PTPN22: variants seen among roughly 807,000 people sequenced by gnomAD.
PTPN22 encodes the protein protein tyrosine phosphatase non-receptor type 22, also known as tyrosine-protein phosphatase non-receptor type 22.
In PTPN22, 85 loss-of-function variants were observed where a neutral mutation model predicts 103.3. The observed-to-expected ratio is 0.82, with a 90% CI of 0.69 to 0.99. The LOEUF (loss-of-function observed/expected upper bound fraction) is 0.99, where lower values mean the gene tolerates loss of function less well. Ranked by LOEUF, PTPN22 falls within the 50% of genes least tolerant of loss-of-function variation. The pLI is 0.00. For missense variants in PTPN22, 865 were observed against 936.9 expected (o/e 0.92, Z 1.00); for synonymous variants, 323 against 310.2 (o/e 1.04, Z -0.43).
At chr1:113,854,195 G>A (rs1291664617) in intron 9 of PTPN22, among the ~76,000 whole-genome samples, 2 of 152,006 alleles carry the variant, frequency 1.3e-5, no homozygotes, top group Non-Finnish European at 2.9e-5. Context: ...ATTCAAAACC[G>A]AAAAGAGGTG....
At chr1:113,853,863 T>A (rs1261762253) in intron 9 of PTPN22, among the ~76,000 whole-genome samples, 3 of 128,782 alleles carry the variant, frequency 2.3e-5, no homozygotes, top group South Asian at 5.5e-4. Flanking sequence ...TTTTTGCTTT[T>A]TTTTTTTTTT....
chr1:113,871,418 C>T (rs913358495), intron 1 of PTPN22, 119 bp downstream of exon 1: 1 of 736,652 alleles, frequency 1.4e-6, no homozygotes, highest in Non-Finnish European at 2.2e-6. Flanking sequence ...TTCTGTCTTC[C>T]CCGCCAAGGT....
chr1:113,821,828 G>GGTC (rs1036583860), intron 19 of PTPN22, among the ~76,000 whole-genome samples: 1 of 152,166 alleles, frequency 6.6e-6, no homozygotes, highest in African/African-American at 2.4e-5. Context: ...CAGATGTATA[G>GGTC]GTCTGACCTC....
At chr1:113,860,130 C>A (rs1173805995) in intron 1 of PTPN22, among the ~76,000 whole-genome samples, 1 of 152,002 alleles carries the variant, frequency 6.6e-6, no homozygotes, top group East Asian at 1.9e-4. Flanking sequence ...ACCACAGGCA[C>A]AAGCATCACA....
chr1:113,865,641 T>C (rs989851763), intron 1 of PTPN22, among the ~76,000 whole-genome samples: 4 of 152,236 alleles, frequency 2.6e-5, no homozygotes, highest in South Asian at 2.1e-4. Flanking sequence ...CATTTGGTAA[T>C]ACTTAACCAA....
chr1:113,830,086 T>G, intron 16 of PTPN22, 57 bp from the exon 17 acceptor site: 2 of 1,200,474 alleles, frequency 1.7e-6, no homozygotes, highest in South Asian at 2.7e-5. Flanking sequence ...AAGTCATAAG[T>G]CAACACCCTT....
At chr1:113,868,470 C>G (rs749785606) in intron 1 of PTPN22, among the ~76,000 whole-genome samples, 2 of 152,142 alleles carry the variant, frequency 1.3e-5, no homozygotes, top group South Asian at 2.1e-4. Context: ...TTTACCTTGT[C>G]CAAGCAAGCA....
chr1:113,869,654 C>A (rs1185317858), intron 1 of PTPN22, among the ~76,000 whole-genome samples: 2 of 152,256 alleles, frequency 1.3e-5, no homozygotes, highest in East Asian at 3.9e-4. Context: ...CTCGGCCTCC[C>A]AAAGTGCTGG....
At chr1:113,826,397 GGGGAAGGGAAGGGAAGGGAA>G (rs377642114) in intron 18 of PTPN22, among the ~76,000 whole-genome samples, 69 of 123,098 alleles carry the variant, frequency 5.6e-4, no homozygotes, top group African/African-American at 1.7e-3. Flanking sequence ...GAAGGGAGAA[GGGGAAGGGAAGGGAAGGGAA>G]GGGAAGGGAA....
At chr1:113,825,113 G>A (rs758919772) in intron 19 of PTPN22, 29 bp downstream of exon 19, 30 of 1,419,814 alleles carry the variant, frequency 2.1e-5, no homozygotes, top group East Asian at 1.2e-4. Context: ...TTGAGAAAAC[G>A]ATATTTTTAA....
rs776007533 is a variant in PTPN22 at position 113,829,577 on chromosome 1, T to C, written c.2250+15A>G. On this transcript the variant is annotated intron_variant, in intron 18 of 20. Transcript: ENST00000359785. The stretch of plus-strand genomic sequence containing the variant: ...AAGTTTCCGGCATGTTTCCCAAAAC[T>C]CTTATCTTCTTTACCTTACTCCTTG... 1.7e-4 allele frequency: 248 copies of C among 1,479,542 alleles called. 1 individual carries two copies. Among genetic ancestry groups the C allele is most frequent in the South Asian group, 5.0e-4 (40 of 79,892 alleles). 91.7% of individuals were successfully genotyped at this position (1,479,542 alleles called of 1,614,324 possible).
intron 13 of PTPN22, among the ~76,000 whole-genome samples, chr1:113,835,693 T>A (rs1662944664): frequency 6.6e-6 from 1 of 152,174 alleles, no homozygotes; most frequent in Non-Finnish European, 1.5e-5. Context: ...CTTTGACGTG[T>A]AAAAGGTTCA....
chr1:113,857,600 T>C (rs951269607), intron 5 of PTPN22, 138 bp downstream of exon 5: 4 of 698,966 alleles, frequency 5.7e-6, no homozygotes, highest in African/African-American at 5.6e-5. Flanking sequence ...GAGAATCACG[T>C]GGCATTCCCA....
At chr1:113,869,870 AC>A (rs1171558631) in intron 1 of PTPN22, among the ~76,000 whole-genome samples, 1 of 152,132 alleles carries the variant, frequency 6.6e-6, no homozygotes, top group Non-Finnish European at 1.5e-5. Flanking sequence ...AGGTAACTCT[AC>A]CAGAGGGGCT....
At chr1:113,833,253 A>G in intron 15 of PTPN22, 115 bp from the exon 16 acceptor site, 1 of 717,022 alleles carries the variant, frequency 1.4e-6, no homozygotes, top group Non-Finnish European at 2.2e-6. Context: ...AGAGATAATT[A>G]TGAAATGTAG....
At chr1:113,848,375 A>T (rs1664276778) in intron 11 of PTPN22, among the ~76,000 whole-genome samples, 165 bp downstream of exon 11, 1 of 152,186 alleles carries the variant, frequency 6.6e-6, no homozygotes, top group African/African-American at 2.4e-5. Context: ...AATTACATCA[A>T]ATTAATTTGT....
chr1:113,841,803 A>G (rs1470529588), intron 11 of PTPN22, among the ~76,000 whole-genome samples: 3 of 152,096 alleles, frequency 2.0e-5, no homozygotes, highest in Non-Finnish European at 4.4e-5. Flanking sequence ...GGATTTCACC[A>G]TGTTGGCCAG....
At chr1:113,834,434 A>T (rs1227423111) in exon 15 of PTPN22, 1 of 1,612,144 alleles carries the variant, frequency 6.2e-7, no homozygotes, top group East Asian at 2.2e-5. Context: ...TTTGGTGAGA[A>T]TTCTCCTGGA....
chr1:113,852,068 G>T (rs143665827), exon 10 of PTPN22: 1 of 1,611,194 alleles, frequency 6.2e-7, no homozygotes, highest in Non-Finnish European at 8.5e-7. Context: ...CGCATTTCCC[G>T]GATCAAACTG....
Sources: gnomAD v4.1 joint callset for allele counts (sites outside exome capture counted in the v4.1 genomes callset) on GRCh38, gnomAD v4.1.1 for gene constraint, MANE v1.5 for transcripts, NCBI Gene and HGNC (gene_info 2026-07-23, HGNC 2026-07-21) for gene names.